The following ZBTB20 variants were observed in gnomAD, a reference collection of about 807,000 sequenced individuals.
ZBTB20 encodes the protein zinc finger and BTB domain-containing protein 20.
Under a neutral mutation model 56.9 loss-of-function variants are expected in ZBTB20, and 9 were observed. That is an observed-to-expected ratio of 0.16 (90% CI 0.10 to 0.28). The LOEUF (loss-of-function observed/expected upper bound fraction) is 0.28. Among genes scored for constraint, ZBTB20 ranks in the 10% least tolerant of loss-of-function variants. ZBTB20 has a pLI of 1.00. For synonymous variants in ZBTB20, 417 were observed against 420.7 expected, an observed-to-expected ratio of 0.99 and a Z score of 0.11; for missense variants, 655 against 1,003.0, an observed-to-expected ratio of 0.65 and a Z score of 4.69.
chr3:115,080,031 C>T (rs568804936), intron 1 of ZBTB20, among the ~76,000 whole-genome samples: 41 of 152,140 alleles, frequency 2.7e-4, no homozygotes, highest in African/African-American at 9.9e-4. Flanking sequence ...ATGTTCATGC[C>T]CAAATTTATA....
At chr3:114,516,947 A>G (rs943236628) in intron 6 of ZBTB20, among the ~76,000 whole-genome samples, 7 of 152,208 alleles carry the variant, frequency 4.6e-5, no homozygotes, top group African/African-American at 1.7e-4. Context: ...AGTTTGTGGT[A>G]GTTCGTTACA....
chr3:114,774,593 T>C (rs1208648621), intron 5 of ZBTB20, among the ~76,000 whole-genome samples: 1 of 152,160 alleles, frequency 6.6e-6, no homozygotes, highest in African/African-American at 2.4e-5. Flanking sequence ...AGCAAATTAA[T>C]CCCCATTTTA....
intron 3 of ZBTB20, among the ~76,000 whole-genome samples, chr3:114,949,057 T>C (rs1405180507): frequency 6.8e-6 from 1 of 146,178 alleles, no homozygotes; most frequent in Non-Finnish European, 1.5e-5. Flanking sequence ...TACTTAGTCA[T>C]GCATCATTGA....
intron 1 of ZBTB20, among the ~76,000 whole-genome samples, chr3:115,139,237 C>A (rs1031835499): frequency 6.6e-6 from 1 of 152,006 alleles, no homozygotes; most frequent in Non-Finnish European, 1.5e-5. Flanking sequence ...TAGCTTCCTG[C>A]AGATTGCTGT....
At chr3:114,992,699 G>A (rs1375643383) in intron 2 of ZBTB20, among the ~76,000 whole-genome samples, 3 of 151,778 alleles carry the variant, frequency 2.0e-5, no homozygotes, top group Admixed American at 1.3e-4. Context: ...GTCCCCTCAC[G>A]CATCTGTAAG....
At chr3:115,045,981 T>C (rs994858612) in intron 2 of ZBTB20, among the ~76,000 whole-genome samples, 1 of 152,230 alleles carries the variant, frequency 6.6e-6, no homozygotes, top group Non-Finnish European at 1.5e-5. Context: ...TATCTCTTAC[T>C]GGCTCAATGA....
chr3:114,492,760 G>T (rs1166408315), intron 7 of ZBTB20, among the ~76,000 whole-genome samples: 1 of 152,084 alleles, frequency 6.6e-6, no homozygotes, highest in Non-Finnish European at 1.5e-5. Context: ...AGAGAGATTT[G>T]TTATTCTTTT....
intron 5 of ZBTB20, among the ~76,000 whole-genome samples, chr3:114,752,844 G>T (rs2067672994): frequency 6.6e-6 from 1 of 152,172 alleles, no homozygotes; most frequent in South Asian, 2.1e-4. Context: ...CTTGAAGATT[G>T]ACCCCATTAC....
intron 1 of ZBTB20, among the ~76,000 whole-genome samples, chr3:115,108,586 A>C (rs1409606303): frequency 6.6e-6 from 1 of 152,214 alleles, no homozygotes; most frequent in African/African-American, 2.4e-5. Context: ...ACTTTCAGGA[A>C]AGGATAATGT....
intron 5 of ZBTB20, among the ~76,000 whole-genome samples, chr3:114,695,498 A>C (rs2108339085): frequency 6.6e-6 from 1 of 152,156 alleles, no homozygotes; most frequent in East Asian, 1.9e-4. Flanking sequence ...AGCTATTCTG[A>C]CAACAAGAGG....
Position 114,351,036 on chromosome 3 carries a change from G to A in ZBTB20, c.1042C>T (p.Leu348=), listed in dbSNP as rs143015292. The stretch of plus-strand genomic sequence containing the variant: ...CACTCCTCGGATTCGTTGCGTTCCA[G>A]GATCTGCACCCTTTGCTGCCCGTAG... ...DYYGQQRVQI[L]ERNESEECTE... Residue 348 remains leucine (L), a synonymous_variant, in exon 11 of 12, where the codon CTG becomes TTG. Coordinates refer to ENST00000675478, the MANE Select transcript of ZBTB20 (RefSeq NM_001348800.3). 3 of 1,612,028 alleles carry A rather than the reference G, an allele frequency of 1.9e-6. No homozygotes were observed. Among genetic ancestry groups the A allele is most frequent in the Non-Finnish European group, 2.5e-6 (3 of 1,179,922 alleles).
chr3:115,066,725 C>T (rs1319340949), intron 2 of ZBTB20, among the ~76,000 whole-genome samples: 1 of 152,046 alleles, frequency 6.6e-6, no homozygotes, highest in African/African-American at 2.4e-5. Context: ...TCTCCTGTGG[C>T]TCTTCACCTT....
At chr3:114,870,288 A>G (rs1216297248) in intron 4 of ZBTB20, among the ~76,000 whole-genome samples, 1 of 151,924 alleles carries the variant, frequency 6.6e-6, no homozygotes, top group Non-Finnish European at 1.5e-5. Context: ...AATTTGTCAT[A>G]GTTAATATGA....
chr3:114,920,068 G>C (rs995645847), intron 3 of ZBTB20, among the ~76,000 whole-genome samples: 1 of 152,158 alleles, frequency 6.6e-6, no homozygotes, highest in Admixed American at 6.5e-5. Context: ...AATTCATTAA[G>C]AGGATATAAA....
intron 6 of ZBTB20, among the ~76,000 whole-genome samples, chr3:114,663,075 A>G (rs2060832998): frequency 6.6e-6 from 1 of 150,832 alleles, no homozygotes; most frequent in Non-Finnish European, 1.5e-5. Flanking sequence ...CAACTCCAAG[A>G]CACACAATTG....
intron 1 of ZBTB20, among the ~76,000 whole-genome samples, chr3:115,134,944 C>G (rs980537569): frequency 1.3e-5 from 2 of 152,192 alleles, no homozygotes; most frequent in Non-Finnish European, 2.9e-5. Flanking sequence ...TTCTTTTTAG[C>G]CTCCAAAGAC....
intron 7 of ZBTB20, among the ~76,000 whole-genome samples, chr3:114,456,491 T>C (rs1322871141): frequency 2.0e-5 from 3 of 152,142 alleles, no homozygotes; most frequent in Admixed American, 6.5e-5. Context: ...TATAGGCACA[T>C]TGTGGGTGAA....
At chr3:114,913,212 G>A (rs1025551286) in intron 3 of ZBTB20, among the ~76,000 whole-genome samples, 5 of 151,928 alleles carry the variant, frequency 3.3e-5, no homozygotes, top group African/African-American at 1.2e-4. Context: ...AGTGTACAAA[G>A]ATTCTCTTTT....
intron 6 of ZBTB20, among the ~76,000 whole-genome samples, chr3:114,505,913 T>C (rs1181460329): frequency 1.3e-5 from 2 of 152,150 alleles, no homozygotes; most frequent in Non-Finnish European, 1.5e-5. Flanking sequence ...TAATGACATT[T>C]CATGCATCTT....
Sources: allele counts gnomAD v4.1 joint callset (sites outside exome capture counted in the v4.1 genomes callset), GRCh38; gene constraint gnomAD v4.1.1; transcripts MANE v1.5; gene names NCBI Gene and HGNC (gene_info 2026-07-23, HGNC 2026-07-21).